Variants in TP63 observed in about 807,000 individuals in gnomAD.
TP63 encodes the protein tumor protein p63, also known as tumor protein 63.
Under a neutral mutation model 82.8 loss-of-function variants are expected in TP63, and 17 were observed. The observed-to-expected ratio is 0.21, with a 90% confidence interval of 0.14 to 0.31. The LOEUF (loss-of-function observed/expected upper bound fraction) is 0.31, where lower values mean the gene tolerates loss of function less well. Among genes scored for constraint, TP63 ranks in the 10% least tolerant of loss-of-function variants. The pLI, the probability that TP63 is intolerant of heterozygous loss-of-function variation, is 1.00. For synonymous variants in TP63, 330 were observed against 321.7 expected (o/e 1.03, Z -0.28); for missense variants, 648 against 895.3 (o/e 0.72, Z 3.52).
intron 1 of TP63, among the ~76,000 whole-genome samples, chr3:189,659,692 T>C (rs1365674503): frequency 1.3e-5 from 2 of 152,052 alleles, no homozygotes; most frequent in Non-Finnish European, 2.9e-5. Flanking sequence ...TGTATAAGCA[T>C]TCCTTTTACT....
At chr3:189,642,949 C>T (rs983224855) in intron 1 of TP63, among the ~76,000 whole-genome samples, 2 of 151,086 alleles carry the variant, frequency 1.3e-5, no homozygotes, top group African/African-American at 2.4e-5. Context: ...AAGTATCACT[C>T]ACACCCTTAA....
chr3:189,826,172 C>G (rs182211784), intron 4 of TP63, among the ~76,000 whole-genome samples: 1 of 152,302 alleles, frequency 6.6e-6, no homozygotes, highest in Non-Finnish European at 1.5e-5. Flanking sequence ...AAAACCAAAT[C>G]TTTACATACT....
chr3:189,666,041 T>C (rs1714363465), intron 1 of TP63, among the ~76,000 whole-genome samples: 1 of 151,998 alleles, frequency 6.6e-6, no homozygotes, highest in East Asian at 1.9e-4. Flanking sequence ...AAAATAAATA[T>C]AGTTTTCCTT....
intron 1 of TP63, among the ~76,000 whole-genome samples, chr3:189,730,234 CTG>C: frequency 6.6e-6 from 1 of 152,296 alleles, no homozygotes; most frequent in East Asian, 1.9e-4. Context: ...GTAATCCTAA[CTG>C]TCTTTTCTTA....
chr3:189,848,552 T>C (rs1468379019), intron 4 of TP63, among the ~76,000 whole-genome samples: 1 of 152,048 alleles, frequency 6.6e-6, no homozygotes, highest in Non-Finnish European at 1.5e-5. Flanking sequence ...TCTTAGCAAA[T>C]GTGTGTTAAA....
At chr3:189,719,802 T>C (rs763653119) in intron 1 of TP63, among the ~76,000 whole-genome samples, 6 of 152,232 alleles carry the variant, frequency 3.9e-5, no homozygotes, top group Non-Finnish European at 7.3e-5. Context: ...TTTGGAATTA[T>C]GCTCCTCTTT....
At chr3:189,805,434 T>C (rs1001437986) in intron 3 of TP63, among the ~76,000 whole-genome samples, 1 of 152,132 alleles carries the variant, frequency 6.6e-6, no homozygotes, top group East Asian at 1.9e-4. Context: ...TAACAGGAGA[T>C]TTATAAATCA....
At chr3:189,628,400 G>T (rs910183697), upstream of TP63, among the ~76,000 whole-genome samples, 4 of 152,108 alleles carry the variant, frequency 2.6e-5, no homozygotes, top group African/African-American at 9.7e-5. Context: ...TAAGTGAGAA[G>T]AATTTGTATC....
intron 1 of TP63, among the ~76,000 whole-genome samples, chr3:189,733,569 C>A (rs796440765): frequency 6.6e-6 from 1 of 152,158 alleles, no homozygotes; most frequent in African/African-American, 2.4e-5. Flanking sequence ...TGTATATGAC[C>A]ACTCATATGG....
At chr3:189,832,819 C>T (rs985467247) in intron 4 of TP63, among the ~76,000 whole-genome samples, 2 of 152,180 alleles carry the variant, frequency 1.3e-5, no homozygotes, top group African/African-American at 2.4e-5. Flanking sequence ...CTTTCTAGAC[C>T]TGACAACACC....
At chr3:189,799,100 T>A (rs1576983379) in intron 3 of TP63, among the ~76,000 whole-genome samples, 2 of 152,266 alleles carry the variant, frequency 1.3e-5, no homozygotes, top group East Asian at 3.9e-4. Context: ...GTTTCAAGCC[T>A]CAGTTTTCCA....
At chr3:189,659,417 A>C (rs1577191867) in intron 1 of TP63, among the ~76,000 whole-genome samples, 1 of 151,970 alleles carries the variant, frequency 6.6e-6, no homozygotes, top group South Asian at 2.1e-4. Context: ...GTAGTATTCC[A>C]TGTTGTCTAT....
At chr3:189,602,965 T>A in the TP63 span, among the ~76,000 whole-genome samples, 2 of 152,220 alleles carry the variant, frequency 1.3e-5, no homozygotes, top group Non-Finnish European at 2.9e-5. Context: ...TATAAACTTT[T>A]AGACTTATAA....
At chr3:189,614,819 A>AT in the TP63 span, among the ~76,000 whole-genome samples, 2 of 152,200 alleles carry the variant, frequency 1.3e-5, no homozygotes, top group Non-Finnish European at 2.9e-5. Flanking sequence ...CTGCTGAACT[A>AT]TATGTATATC....
the TP63 span, among the ~76,000 whole-genome samples, chr3:189,598,131 T>G: frequency 7.2e-5 from 11 of 151,872 alleles, no homozygotes; most frequent in East Asian, 1.7e-3. Context: ...GCATAAAATA[T>G]CTACACTGAA....
At chr3:189,725,003 C>T (rs549822484) in intron 1 of TP63, among the ~76,000 whole-genome samples, 75 of 152,240 alleles carry the variant, frequency 4.9e-4, no homozygotes, top group African/African-American at 1.7e-3. Context: ...TTACTTCTCA[C>T]CATGATTTGC....
At chr3:189,630,913 G>A (rs772725714), upstream of TP63, among the ~76,000 whole-genome samples, 7 of 151,996 alleles carry the variant, frequency 4.6e-5, no homozygotes, top group Non-Finnish European at 8.8e-5. Flanking sequence ...ACTGAAGGGC[G>A]GGGAGGGAGG....
In TP63 at chr3:189,866,861, A is replaced by G. The variant is rs566679745; in HGVS notation, c.882+64A>G. 5 of 1,312,570 alleles carry G rather than the reference A, an allele frequency of 3.8e-6. 1 individual carries two copies. In the Admixed American group the frequency reaches 8.6e-5, roughly 22 times the overall value. 81.3% of individuals were successfully genotyped at this position (1,312,570 alleles called of 1,614,324 possible). On this transcript the variant is annotated intron_variant, in intron 6 of 13. Transcript: ENST00000264731. ...ATGGACTGAGTAGACTTGAGAGAAC[A>G]TCTGTTTCAGCAACAGGGATGTTTC...
At chr3:189,841,872 G>T (rs1021297050) in intron 4 of TP63, among the ~76,000 whole-genome samples, 2 of 152,150 alleles carry the variant, frequency 1.3e-5, no homozygotes, top group African/African-American at 4.8e-5. Context: ...TACGACTTTG[G>T]GTGCCACTGC....
Sources: gnomAD v4.1 joint callset for allele counts (sites outside exome capture counted in the v4.1 genomes callset) on GRCh38, gnomAD v4.1.1 for gene constraint, MANE v1.5 for transcripts, NCBI Gene and HGNC (gene_info 2026-07-23, HGNC 2026-07-21) for gene names.